PCDH15: variants seen among roughly 807,000 people sequenced by gnomAD.
The protein encoded by PCDH15 is protocadherin-15.
PCDH15 carries 129 observed loss-of-function variants against 178.5 expected under a neutral mutation model. The observed-to-expected ratio is 0.72, with a 90% CI of 0.63 to 0.84. PCDH15 has a LOEUF of 0.84. Ranked by LOEUF, PCDH15 falls within the 40% of genes least tolerant of loss-of-function variation. PCDH15 has a pLI of 0.00. For missense variants in PCDH15, 2,230 were observed against 2,099.9 expected (o/e 1.06, Z -1.21); for synonymous variants, 800 against 732.0 (o/e 1.09, Z -1.50).
intron 10 of PCDH15, among the ~76,000 whole-genome samples, 161 bp from the exon 11 acceptor site, chr10:54,196,050 G>A (rs993010855): frequency 6.6e-6 from 1 of 152,140 alleles, no homozygotes; most frequent in East Asian, 1.9e-4. Context: ...ATGAGGAAAT[G>A]AAAATCCAGT....
chr10:55,028,900 A>C (rs1019952959), intron 2 of PCDH15, among the ~76,000 whole-genome samples: 3 of 152,084 alleles, frequency 2.0e-5, no homozygotes, highest in African/African-American at 7.2e-5. Flanking sequence ...ATTAATCCAT[A>C]TTCTGATTTA....
rs10763130 is a variant in PCDH15 at position 54,716,681 on chromosome 10, C to A, written c.-28-52391G>T. ...TTGGGCTGAGTGAAAATGGCCATAC[C>A]ACCCAAGGTAAATCATAGATTCAAT... On this transcript the variant is annotated intron_variant, in intron 1 of 37. Transcript: ENST00000644397. Among the ~76,000 whole-genome samples the A allele has an allele frequency of 2.6e-5, 4 of 151,860 alleles. No individual in the cohort carries two copies. In the East Asian group the frequency reaches 5.8e-4, roughly 22 times the overall value.
chr10:54,379,340 AGATATTGT>A lies in PCDH15; in HGVS notation c.158-406_158-399del, dbSNP rs1259878017. The stretch of plus-strand genomic sequence containing the variant: ...CTGTTAGACCTCTGATGTGAAAAAA[AGATATTGT>A]GAAACTAAGAAAGGAAGAGGAAATA... On this transcript the variant is annotated intron_variant, in intron 3 of 37. Coordinates refer to ENST00000644397, the MANE Select transcript of PCDH15 (RefSeq NM_001384140.1). Among the ~76,000 whole-genome samples the A allele has an allele frequency of 7.2e-5, 11 of 152,280 alleles. No individual in the cohort carries two copies. The East Asian group carries it at 2.1e-3, about 29-fold the overall frequency.
chr10:54,179,356 G>C (rs931676203), intron 13 of PCDH15, among the ~76,000 whole-genome samples: 5 of 149,236 alleles, frequency 3.4e-5, no homozygotes, highest in African/African-American at 9.9e-5. Flanking sequence ...ACTCATAGGT[G>C]GGAATTGAAC....
intron 18 of PCDH15, among the ~76,000 whole-genome samples, chr10:54,026,327 C>G (rs1268719257): frequency 6.6e-6 from 1 of 152,076 alleles, no homozygotes; most frequent in Non-Finnish European, 1.5e-5. Context: ...CCTTTGGCTT[C>G]TCAAAGTGCT....
chr10:55,138,834 C>A (rs975747138), intron 2 of PCDH15, among the ~76,000 whole-genome samples: 2 of 152,058 alleles, frequency 1.3e-5, no homozygotes, highest in African/African-American at 4.8e-5. Context: ...TTATAGTTTT[C>A]ATTTTCTAGA....
At chr10:54,636,834 C>A (rs572791437) in intron 2 of PCDH15, among the ~76,000 whole-genome samples, 1 of 151,940 alleles carries the variant, frequency 6.6e-6, no homozygotes, top group South Asian at 2.1e-4. Context: ...TTCCAATATA[C>A]CATTGCCCTA....
chr10:54,623,763 T>TA, intron 2 of PCDH15, among the ~76,000 whole-genome samples: 1 of 152,208 alleles, frequency 6.6e-6, no homozygotes, highest in East Asian at 1.9e-4. Context: ...TCCAAACCAT[T>TA]AAAATTTTTA....
intron 2 of PCDH15, among the ~76,000 whole-genome samples, chr10:54,968,278 C>A (rs1838844457): frequency 6.6e-6 from 1 of 152,070 alleles, no homozygotes; most frequent in Admixed American, 6.6e-5. Flanking sequence ...ATGTTCAATG[C>A]AAAATTTGGC....
At chr10:55,434,040 A>G (rs940741077) in intron 2 of PCDH15, among the ~76,000 whole-genome samples, 6 of 151,300 alleles carry the variant, frequency 4.0e-5, no homozygotes, top group African/African-American at 1.5e-4. Flanking sequence ...AAATCATAAC[A>G]TAAGGAAAAC....
intron 26 of PCDH15, among the ~76,000 whole-genome samples, chr10:53,869,904 C>T (rs1039610439): frequency 6.6e-6 from 1 of 152,150 alleles, no homozygotes; most frequent in African/African-American, 2.4e-5. Flanking sequence ...ATTTTTAAAA[C>T]TTTACATTGA....
intron 2 of PCDH15, among the ~76,000 whole-genome samples, chr10:54,907,640 C>G (rs1326414834): frequency 6.6e-6 from 1 of 152,006 alleles, no homozygotes; most frequent in Non-Finnish European, 1.5e-5. Flanking sequence ...ACAATGTTCT[C>G]CAAAAAAATA....
intron 12 of PCDH15, 112 bp from the exon 13 acceptor site, chr10:54,183,705 G>C: frequency 2.4e-6 from 3 of 1,261,216 alleles, no homozygotes; most frequent in Non-Finnish European, 3.4e-6. Context: ...AATTTGAAAG[G>C]GTGCAAAAAT....
chr10:55,000,756 T>A (rs1437994809), intron 2 of PCDH15, among the ~76,000 whole-genome samples: 3 of 152,192 alleles, frequency 2.0e-5, no homozygotes, highest in Admixed American at 1.3e-4. Context: ...ACAATTTATG[T>A]TCTTCCACCA....
At chr10:55,218,310 T>C (rs77337663) in intron 1 of PCDH15, among the ~76,000 whole-genome samples, 5,749 of 152,010 alleles carry the variant, frequency 0.038, 325 homozygotes, top group East Asian at 0.24. Context: ...TGGAGTACAT[T>C]GTATATTAAA....
chr10:55,191,325 T>A (rs1839940051), intron 1 of PCDH15, among the ~76,000 whole-genome samples: 1 of 151,852 alleles, frequency 6.6e-6, no homozygotes, highest in South Asian at 2.1e-4. Context: ...TAGTTACCTA[T>A]ATTATTCACT....
chr10:54,592,622 T>C (rs191233524), intron 2 of PCDH15, among the ~76,000 whole-genome samples: 1 of 152,276 alleles, frequency 6.6e-6, no homozygotes, highest in Admixed American at 6.5e-5. Flanking sequence ...GTTGTATCCA[T>C]ACCATAGCTA....
In PCDH15 at chr10:54,960,374, T is replaced by A. The variant is rs151319853; in HGVS notation, c.-79-62874A>T. On this transcript the variant is annotated intron_variant, in intron 2 of 5. Coordinates refer to the PCDH15 transcript ENST00000458638. Reference sequence around the variant, plus strand: ...AAGCTGTGAAATAATGTGCTTATGATAATTTGCTTAGTCTTCCCTCAGGTG... The same window carrying A: ...AAGCTGTGAAATAATGTGCTTATGAAAATTTGCTTAGTCTTCCCTCAGGTG... Among the ~76,000 whole-genome samples the A allele has an allele frequency of 2.0e-3, 308 of 152,318 alleles. 2 individuals are homozygous for A. The highest frequency in any genetic ancestry group is 7.0e-3 in the African/African-American group (289 of 41,576).
At chr10:55,110,291 A>G (rs1342580986) in intron 2 of PCDH15, among the ~76,000 whole-genome samples, 1 of 152,058 alleles carries the variant, frequency 6.6e-6, no homozygotes, top group Non-Finnish European at 1.5e-5. Context: ...AAGTTTTAAT[A>G]AGATATTCAA....
Sources: gnomAD v4.1 joint callset for allele counts (sites outside exome capture counted in the v4.1 genomes callset) on GRCh38, gnomAD v4.1.1 for gene constraint, MANE v1.5 for transcripts, NCBI Gene and HGNC (gene_info 2026-07-23, HGNC 2026-07-21) for gene names.